SRD5A1: variants seen among roughly 807,000 people sequenced by gnomAD.
SRD5A1 encodes the protein 3-oxo-5-alpha-steroid 4-dehydrogenase 1.
Under a neutral mutation model 28.2 loss-of-function variants are expected in SRD5A1, and 22 were observed. The ratio of observed to expected loss-of-function variants is 0.78; its 90% CI spans 0.56 to 1.12. The LOEUF is 1.12. Ranked by LOEUF, SRD5A1 falls within the 50% of genes most tolerant of loss-of-function variation. SRD5A1 has a pLI of 0.00. For missense variants in SRD5A1, 300 were observed against 346.7 expected (o/e 0.87, Z 1.07); for synonymous variants, 151 against 135.0 (o/e 1.12, Z -0.82).
chr5:6,647,564 T>C (rs1225691628), intron 1 of SRD5A1, among the ~76,000 whole-genome samples: 1 of 152,234 alleles, frequency 6.6e-6, no homozygotes, highest in Non-Finnish European at 1.5e-5. Flanking sequence ...TGGTTTAAAA[T>C]CTGTTTTCTC....
At chr5:6,637,899 G>A (rs1278681970) in intron 1 of SRD5A1, among the ~76,000 whole-genome samples, 1 of 152,190 alleles carries the variant, frequency 6.6e-6, no homozygotes, top group Non-Finnish European at 1.5e-5. Context: ...TTGATTCCTT[G>A]TATCTCTCGT....
intron 1 of SRD5A1, among the ~76,000 whole-genome samples, chr5:6,635,146 C>A (rs1738142625): frequency 6.6e-6 from 1 of 152,194 alleles, no homozygotes; most frequent in African/African-American, 2.4e-5. Flanking sequence ...TTGTACCCAG[C>A]ACAGTTTTTG....
chr5:6,646,527 A>G (rs970793836), intron 1 of SRD5A1, among the ~76,000 whole-genome samples: 3 of 152,062 alleles, frequency 2.0e-5, no homozygotes, highest in African/African-American at 7.2e-5. Context: ...CCAGGAATTT[A>G]TTTATTTATT....
chr5:6,655,446 G>A (rs866610164), intron 2 of SRD5A1, among the ~76,000 whole-genome samples: 11 of 152,220 alleles, frequency 7.2e-5, no homozygotes, highest in African/African-American at 1.7e-4. Flanking sequence ...CCATGCAGGC[G>A]GCCACGGGAG....
At chr5:6,664,530 A>G (rs248794) in intron 4 of SRD5A1, among the ~76,000 whole-genome samples, 96,754 of 151,942 alleles carry the variant, frequency 0.64, 32,489 homozygotes, top group African/African-American at 0.86. Context: ...TCAGCCTTCC[A>G]AGTAGCTGGG....
intron 4 of SRD5A1, among the ~76,000 whole-genome samples, chr5:6,667,460 C>T (rs1021128450): frequency 2.6e-5 from 4 of 152,158 alleles, no homozygotes. Flanking sequence ...GAGCTAATTG[C>T]TTTCTATCAT....
At chr5:6,633,992 G>A in intron 1 of SRD5A1, 123 bp downstream of exon 1, 1 of 1,060,616 alleles carries the variant, frequency 9.4e-7, no homozygotes, top group African/African-American at 1.6e-5. Context: ...CTCCCTGCCA[G>A]ATCCCCCGGG....
intron 1 of SRD5A1, 145 bp downstream of exon 1, chr5:6,634,014 C>A: frequency 1.2e-6 from 1 of 850,430 alleles, no homozygotes; most frequent in South Asian, 1.6e-5. Context: ...CGTCCCCCAT[C>A]TGCACGGGTG....
chr5:6,658,719 T>G lies in SRD5A1; in HGVS notation c.562+2540T>G, dbSNP rs1263822056. 2.0e-5 allele frequency among the ~76,000 whole-genome samples: 3 copies of G among 152,032 alleles called. No homozygotes were observed. The East Asian group carries it at 5.8e-4, about 29-fold the overall frequency. ...TAACCAGGCTCAGCCTTGCTTAGCT[T>G]CCAAGATCAGACAAGATCAAAATTC... On this transcript the variant is annotated intron_variant, in intron 3 of 4. Coordinates refer to ENST00000274192, the MANE Select transcript of SRD5A1 (RefSeq NM_001047.4).
chr5:6,666,481 A>G (rs909752649), intron 4 of SRD5A1, among the ~76,000 whole-genome samples: 1 of 152,194 alleles, frequency 6.6e-6, no homozygotes, highest in Non-Finnish European at 1.5e-5. Flanking sequence ...AATTGTATTC[A>G]ATGAAATCTT....
At chr5:6,661,844 T>TA (rs900220902) in intron 3 of SRD5A1, among the ~76,000 whole-genome samples, 5 of 151,966 alleles carry the variant, frequency 3.3e-5, no homozygotes, top group African/African-American at 7.3e-5. Flanking sequence ...AATTTTTTTT[T>TA]AAAAAAAGCT....
At chr5:6,659,409 G>A (rs549614559) in intron 3 of SRD5A1, among the ~76,000 whole-genome samples, 5 of 152,168 alleles carry the variant, frequency 3.3e-5, no homozygotes, top group South Asian at 2.1e-4. Flanking sequence ...CACCGTGCCC[G>A]GCCAAAAAAG....
intron 1 of SRD5A1, among the ~76,000 whole-genome samples, chr5:6,638,067 A>C (rs1358661762): frequency 1.3e-5 from 2 of 152,334 alleles, no homozygotes; most frequent in South Asian, 2.1e-4. Context: ...GGCTGGGCGC[A>C]GTGGCTCATG....
At position 6,670,432 on chromosome 5, in the gene SRD5A1, T is replaced by C. The variant is rs1739325229; in HGVS notation, c.*2164T>C. The C allele has an allele frequency of 6.6e-6, 1 of 152,300 alleles. No homozygotes were observed. Among genetic ancestry groups the C allele is most frequent in the African/African-American group, 2.4e-5 (1 of 41,458 alleles). The allele number at this position is 152,300 out of a possible 1,614,324, so 9.4% of individuals were successfully genotyped here. A position where few individuals can be genotyped will look rare whatever the true frequency, so the allele number is the denominator to read the frequency against. On this transcript the variant is annotated 3_prime_UTR_variant, in exon 5 of 5. Transcript: ENST00000274192. ...TCCGTCCAGACCCTGTCTGCTGTTA[T>C]CTGTAGGAAGACCACAGCCAACTGC...
At position 6,673,102 on chromosome 5, in the gene SRD5A1, T is replaced by C. The variant is rs1739408151; in HGVS notation, c.*4834T>C. On this transcript the variant is annotated 3_prime_UTR_variant, in exon 5 of 5. Transcript: ENST00000274192. Reference sequence around the variant, plus strand: ...GGCATCAATTATTTCCTATTGTTTTTAGCACCGATTGTTCTGTCTAATTTG... The same window carrying C: ...GGCATCAATTATTTCCTATTGTTTTCAGCACCGATTGTTCTGTCTAATTTG... 1 of 152,206 alleles carries C rather than the reference T, an allele frequency of 6.6e-6. No individual in the cohort carries two copies. Among genetic ancestry groups the C allele is most frequent in the African/African-American group, 2.4e-5 (1 of 41,448 alleles). The allele number at this position is 152,206 out of a possible 1,614,324, so 9.4% of individuals were successfully genotyped here.
At position 6,670,816 on chromosome 5, in the gene SRD5A1, G is replaced by C. The variant is rs145388627; in HGVS notation, c.*2548G>C. 2.1e-4 allele frequency: 32 copies of C among 152,282 alleles called. No homozygotes were observed. The highest frequency in any genetic ancestry group is 7.7e-4 in the African/African-American group (32 of 41,568). 9.4% of individuals were successfully genotyped at this position (152,282 alleles called of 1,614,324 possible). A position where few individuals can be genotyped will look rare whatever the true frequency, so the allele number is the denominator to read the frequency against. ...GCTTAACCACCTTTCTTAAGATATT[G>C]ATCAACCAGATCATTGCAAATACTG... On this transcript the variant is annotated 3_prime_UTR_variant, in exon 5 of 5. Transcript: ENST00000274192.
intron 4 of SRD5A1, among the ~76,000 whole-genome samples, chr5:6,666,360 G>A (rs1450150174): frequency 1.3e-5 from 2 of 152,116 alleles, no homozygotes; most frequent in Non-Finnish European, 2.9e-5. Context: ...GTGTCAGCCA[G>A]GATGGTCTTG....
chr5:6,664,888 G>T (rs1184241982), intron 4 of SRD5A1, among the ~76,000 whole-genome samples: 2 of 152,212 alleles, frequency 1.3e-5, no homozygotes, highest in African/African-American at 4.8e-5. Context: ...AAAACAGAGG[G>T]GTCTGCGGAA....
At chr5:6,653,133 A>G (rs1237590665) in intron 2 of SRD5A1, among the ~76,000 whole-genome samples, 4 of 152,186 alleles carry the variant, frequency 2.6e-5, no homozygotes, top group Non-Finnish European at 4.4e-5. Context: ...AAATAAACTA[A>G]CACTTGGATA....
Sources: allele counts gnomAD v4.1 joint callset (sites outside exome capture counted in the v4.1 genomes callset), GRCh38; gene constraint gnomAD v4.1.1; transcripts MANE v1.5; gene names NCBI Gene and HGNC (gene_info 2026-07-23, HGNC 2026-07-21).